Variants in EPHA5 observed in about 807,000 individuals in gnomAD.
EPHA5 encodes EPH receptor A5.
A neutral mutation model predicts 105.0 loss-of-function variants in EPHA5; 60 were observed. The ratio of observed to expected loss-of-function variants is 0.57; its 90% CI spans 0.46 to 0.71. The LOEUF (loss-of-function observed/expected upper bound fraction) is 0.71, where lower values mean the gene tolerates loss of function less well. Ranked by LOEUF, EPHA5 falls within the 30% of genes least tolerant of loss-of-function variation. The pLI, the probability that EPHA5 is intolerant of heterozygous loss-of-function variation, is 0.00. For missense variants in EPHA5, 1,218 were observed against 1,274.7 expected, an observed-to-expected ratio of 0.96 and a Z score of 0.68; for synonymous variants, 513 against 449.1, an observed-to-expected ratio of 1.14 and a Z score of -1.80.
intron 3 of EPHA5, among the ~76,000 whole-genome samples, chr4:65,562,681 C>T (rs898697934): frequency 6.6e-6 from 1 of 152,006 alleles, no homozygotes; most frequent in Admixed American, 6.6e-5. Flanking sequence ...TTTTCTATTA[C>T]GTTACAATTC....
Position 65,602,041 on chromosome 4 carries a change from T to C in EPHA5, c.510A>G (p.Gln170=). The C allele has an allele frequency of 1.2e-6, 2 of 1,614,186 alleles. No individual in the cohort carries two copies. Among genetic ancestry groups the C allele is most frequent in the Non-Finnish European group, 8.5e-7 (1 of 1,180,036 alleles). The change falls in exon 3 of 17, where the codon CAA becomes CAG. Residue 170 remains glutamine (Q), a synonymous_variant. Transcript: ENST00000613740. ...CAGCAATGGTATCAATTTTGATGTA[T>C]TGGTTTTCCTTGATGTTTCTCCCAT... The part of the protein sequence containing the change: ...DQNGRNIKEN[Q]YIKIDTIAAD...
At chr4:65,398,266 G>A (rs1196924752) in intron 8 of EPHA5, among the ~76,000 whole-genome samples, 1 of 152,218 alleles carries the variant, frequency 6.6e-6, no homozygotes, top group African/African-American at 2.4e-5. Flanking sequence ...CCAGGCAGAT[G>A]TGTGCACACT....
At chr4:65,395,930 G>T (rs565916747) in intron 8 of EPHA5, among the ~76,000 whole-genome samples, 1 of 152,142 alleles carries the variant, frequency 6.6e-6, no homozygotes, top group Non-Finnish European at 1.5e-5. Context: ...ATGGTTATGC[G>T]CTCTATGGAG....
rs1719523344 is a variant in EPHA5, at chr4:65,320,196, A to G, written c.*3918T>C. Reference sequence around the variant, plus strand: ...GTTCCTATTTCTATTTTGATACATTACTATATAATTAACAGCACAATAGAG... The same window carrying G: ...GTTCCTATTTCTATTTTGATACATTGCTATATAATTAACAGCACAATAGAG... On this transcript the variant is annotated 3_prime_UTR_variant, in exon 17 of 17. Transcript: ENST00000613740. The G allele has an allele frequency of 1.3e-5, 3 of 230,158 alleles. No homozygotes were observed. The East Asian group carries it at 1.8e-4, about 14-fold the overall frequency. The allele number at this position is 230,158 out of a possible 1,614,324, so 14.3% of individuals were successfully genotyped here.
chr4:65,581,471 C>T (rs183546390), intron 3 of EPHA5, among the ~76,000 whole-genome samples: 1 of 151,748 alleles, frequency 6.6e-6, no homozygotes, highest in East Asian at 1.9e-4. Flanking sequence ...GCAAGCAAAG[C>T]GATTTACCCA....
At chr4:65,505,317 C>G (rs1732900299) in intron 3 of EPHA5, among the ~76,000 whole-genome samples, 1 of 151,944 alleles carries the variant, frequency 6.6e-6, no homozygotes, top group Non-Finnish European at 1.5e-5. Flanking sequence ...CACAAACATA[C>G]TATTAATGCT....
chr4:65,403,963 C>A (rs979886068), intron 8 of EPHA5, among the ~76,000 whole-genome samples: 1 of 152,044 alleles, frequency 6.6e-6, no homozygotes, highest in Non-Finnish European at 1.5e-5. Context: ...AGAATGCTGA[C>A]TAAATAGAAT....
chr4:65,345,980 G>A (rs1722184508), intron 14 of EPHA5, among the ~76,000 whole-genome samples: 1 of 151,864 alleles, frequency 6.6e-6, no homozygotes, highest in East Asian at 1.9e-4. Context: ...CACCGTATTA[G>A]CCAGGATGGT....
intron 5 of EPHA5, among the ~76,000 whole-genome samples, chr4:65,476,428 T>C (rs971926584): frequency 1.3e-5 from 2 of 152,104 alleles, no homozygotes; most frequent in Non-Finnish European, 2.9e-5. Context: ...TCATGTCTTT[T>C]GCAGCAATAT....
chr4:65,357,806 G>C (rs1183321571), intron 11 of EPHA5, among the ~76,000 whole-genome samples: 1 of 151,184 alleles, frequency 6.6e-6, no homozygotes, highest in African/African-American at 2.4e-5. Flanking sequence ...AAAAATTAAA[G>C]GTGTATAGCT....
At chr4:65,620,860 T>C (rs929368899) in intron 2 of EPHA5, among the ~76,000 whole-genome samples, 3 of 152,166 alleles carry the variant, frequency 2.0e-5, no homozygotes, top group African/African-American at 7.2e-5. Flanking sequence ...AAATTTCCCA[T>C]ATGCTTTTTC....
Position 65,365,046 on chromosome 4 carries a change from A to G in EPHA5, c.2144T>C (p.Ile715Thr), listed in dbSNP as rs1717730895. Residue 715 changes from isoleucine (I) to threonine (T), a missense_variant, in exon 11 of 17, where the codon ATC becomes ACC. Coordinates refer to ENST00000613740, the MANE Select transcript of EPHA5 (RefSeq NM_001281766.3). The stretch of plus-strand genomic sequence containing the variant: ...GGTCACCACACCTTCTAAATGGATG[A>G]TGTTAGGATGATCAAACTGTCCCAT... ...SIMGQFDHPN[I>T]IHLEGVVTKS... 6.2e-7 allele frequency: 1 copy of G among 1,611,494 alleles called. No individual in the cohort carries two copies. The highest frequency in any genetic ancestry group is 8.5e-7 in the Non-Finnish European group (1 of 1,178,212).
chr4:65,526,173 TA>T (rs2149290931), intron 3 of EPHA5, among the ~76,000 whole-genome samples: 1 of 151,958 alleles, frequency 6.6e-6, no homozygotes, highest in African/African-American at 2.4e-5. Flanking sequence ...ATTCTAATAG[TA>T]AAAAGGGTCA....
intron 2 of EPHA5, among the ~76,000 whole-genome samples, chr4:65,631,893 C>A (rs899106119): frequency 2.6e-5 from 4 of 151,704 alleles, no homozygotes; most frequent in Admixed American, 6.6e-5. Context: ...AAATATATAA[C>A]CAGGGTAAAC....
chr4:65,419,903 G>T (rs1314617796), intron 6 of EPHA5, among the ~76,000 whole-genome samples: 1 of 151,972 alleles, frequency 6.6e-6, no homozygotes, highest in Non-Finnish European at 1.5e-5. Flanking sequence ...GAGAACAAGG[G>T]GAAATCAAGA....
chr4:65,560,257 A>C (rs939684238), intron 3 of EPHA5, among the ~76,000 whole-genome samples: 6 of 152,182 alleles, frequency 3.9e-5, no homozygotes, highest in African/African-American at 1.4e-4. Context: ...TTTCTGAAGG[A>C]AAATTGACAC....
chr4:65,544,660 C>G (rs1187657461), intron 3 of EPHA5, among the ~76,000 whole-genome samples: 1 of 151,974 alleles, frequency 6.6e-6, no homozygotes, highest in African/African-American at 2.4e-5. Flanking sequence ...TTGTGGAAGA[C>G]AGTGTGGCAA....
chr4:65,411,899 A>G (rs1357501464), intron 7 of EPHA5, among the ~76,000 whole-genome samples: 3 of 152,220 alleles, frequency 2.0e-5, no homozygotes, highest in Non-Finnish European at 2.9e-5. Flanking sequence ...AAACCCTTTG[A>G]TGGCTAGAAA....
intron 3 of EPHA5, among the ~76,000 whole-genome samples, chr4:65,512,393 A>C (rs568114878): frequency 6.6e-6 from 1 of 152,212 alleles, no homozygotes; most frequent in South Asian, 2.1e-4. Flanking sequence ...TTCAAATCTC[A>C]TGTTCAATTG....
Sources: gnomAD v4.1 joint callset for allele counts (sites outside exome capture counted in the v4.1 genomes callset) on GRCh38, gnomAD v4.1.1 for gene constraint, MANE v1.5 for transcripts, NCBI Gene and HGNC (gene_info 2026-07-23, HGNC 2026-07-21) for gene names.